Variants in RICTOR observed in about 807,000 individuals in gnomAD.
RICTOR encodes the protein RPTOR independent companion of MTOR complex 2.
A neutral mutation model predicts 214.9 loss-of-function variants in RICTOR; 49 were observed. That is an observed-to-expected ratio of 0.23 (90% confidence interval 0.18 to 0.29). The LOEUF (loss-of-function observed/expected upper bound fraction) is 0.29. Ranked by LOEUF, RICTOR falls within the 10% of genes least tolerant of loss-of-function variation. The pLI is 1.00. For missense variants in RICTOR, 1,625 were observed against 2,047.0 expected (o/e 0.79, Z 3.98); for synonymous variants, 717 against 711.3 (o/e 1.01, Z -0.13).
chr5:38,942,476 G>T (rs1343575603), intron 37 of RICTOR, 98 bp from the exon 38 acceptor site: 8 of 535,434 alleles, frequency 1.5e-5, no homozygotes, highest in African/African-American at 3.9e-5. Context: ...TTGAGATAGG[G>T]TCTTGCTCAG....
At chr5:39,064,589 A>G (rs1758770667) in intron 2 of RICTOR, among the ~76,000 whole-genome samples, 2 of 152,220 alleles carry the variant, frequency 1.3e-5, no homozygotes, top group Admixed American at 1.3e-4. Context: ...CAAGCAAATC[A>G]TTCGCTCACC....
At chr5:39,013,286 A>T (rs1754686641) in intron 3 of RICTOR, among the ~76,000 whole-genome samples, 1 of 152,170 alleles carries the variant, frequency 6.6e-6, no homozygotes, top group South Asian at 2.1e-4. Flanking sequence ...ACTATTATAC[A>T]AATCTTATTT....
chr5:39,035,918 C>T (rs1185395296), intron 2 of RICTOR, among the ~76,000 whole-genome samples: 2 of 152,134 alleles, frequency 1.3e-5, no homozygotes, highest in Non-Finnish European at 2.9e-5. Flanking sequence ...GAGAACTTCC[C>T]CAATCTAGCA....
chr5:39,047,106 A>G (rs1387366872), intron 2 of RICTOR, among the ~76,000 whole-genome samples: 1 of 152,220 alleles, frequency 6.6e-6, no homozygotes, highest in African/African-American at 2.4e-5. Flanking sequence ...TAATATTACT[A>G]TTAGAAATTC....
At chr5:38,993,616 T>A (rs1242897989) in intron 6 of RICTOR, among the ~76,000 whole-genome samples, 1 of 152,064 alleles carries the variant, frequency 6.6e-6, no homozygotes, top group Non-Finnish European at 1.5e-5. Flanking sequence ...TTTTTCCTTA[T>A]CCTTTAAAAT....
chr5:38,952,545 C>T (rs994173399), intron 29 of RICTOR, 120 bp from the exon 30 acceptor site: 28 of 482,272 alleles, frequency 5.8e-5, no homozygotes, highest in African/African-American at 1.3e-4. Context: ...AAAATGGTTG[C>T]GTTTGTGGAA....
At chr5:38,956,492 C>T (rs1483913462) in intron 25 of RICTOR, among the ~76,000 whole-genome samples, 1 of 152,102 alleles carries the variant, frequency 6.6e-6, no homozygotes, top group Non-Finnish European at 1.5e-5. Context: ...CTATAATGTT[C>T]CAATGATCTA....
At chr5:39,055,552 A>G (rs942157538) in intron 2 of RICTOR, among the ~76,000 whole-genome samples, 1 of 151,836 alleles carries the variant, frequency 6.6e-6, no homozygotes, top group Non-Finnish European at 1.5e-5. Flanking sequence ...GGGACTCAAT[A>G]TATTTTTTTC....
intron 2 of RICTOR, among the ~76,000 whole-genome samples, chr5:39,067,165 T>A (rs919935518): frequency 3.3e-5 from 5 of 152,202 alleles, no homozygotes; most frequent in African/African-American, 1.2e-4. Flanking sequence ...TGGCTATTGG[T>A]TCTGTAGGCT....
chr5:39,012,635 T>C (rs1393414160), intron 3 of RICTOR, among the ~76,000 whole-genome samples: 4 of 152,226 alleles, frequency 2.6e-5, no homozygotes, highest in Non-Finnish European at 4.4e-5. Context: ...TGTATTAATG[T>C]AAGTCATTAA....
At chr5:39,017,260 T>G (rs973003494) in intron 3 of RICTOR, among the ~76,000 whole-genome samples, 1 of 152,142 alleles carries the variant, frequency 6.6e-6, no homozygotes, top group Non-Finnish European at 1.5e-5. Flanking sequence ...ACCTCTATTA[T>G]AATTGTTTTT....
chr5:38,939,336 A>C lies in RICTOR; in HGVS notation c.*2968T>G, dbSNP rs1277845319. 2 of 232,378 alleles carry C rather than the reference A, an allele frequency of 8.6e-6. No individual in the cohort carries two copies. Among genetic ancestry groups the C allele is most frequent in the African/African-American group, 4.4e-5 (2 of 45,312 alleles). The allele number at this position is 232,378 out of a possible 1,614,324, so 14.4% of individuals were successfully genotyped here. A position where few individuals can be genotyped will look rare whatever the true frequency, so the allele number is the denominator to read the frequency against. ...AAGTTGTCATTTCAAAAGGACTTGTACACATTATGTTAATAATGTATATAC... is the reference window on the plus strand; with the variant it reads ...AAGTTGTCATTTCAAAAGGACTTGTCCACATTATGTTAATAATGTATATAC... On this transcript the variant is annotated 3_prime_UTR_variant, in exon 38 of 38. Coordinates refer to ENST00000357387, the MANE Select transcript of RICTOR (RefSeq NM_152756.5).
Position 39,044,553 on chromosome 5 carries a change from T to C in RICTOR, c.98-23417A>G, listed in dbSNP as rs79085215. Among the ~76,000 whole-genome samples the C allele has an allele frequency of 3.2e-3, 486 of 152,274 alleles. 6 individuals are homozygous for C. The highest frequency in any genetic ancestry group is 0.011 in the African/African-American group (469 of 41,560). ...CTATGCTGCTTCAAAATGTATCTAC[T>C]TCCCAAACTCTGAGCAACAAGATAT... is the stretch of plus-strand genomic sequence containing the variant. On this transcript the variant is annotated intron_variant, in intron 2 of 37. Transcript: ENST00000357387.
At chr5:38,989,826 C>T (rs1444493773) in intron 7 of RICTOR, among the ~76,000 whole-genome samples, 2 of 152,046 alleles carry the variant, frequency 1.3e-5, no homozygotes, top group Non-Finnish European at 2.9e-5. Context: ...GTAAGAATGG[C>T]GATCATTAAA....
At position 38,942,327 on chromosome 5, in the gene RICTOR, C is replaced by A; in HGVS notation, c.5104G>T (p.Val1702Phe). Reference sequence around the variant, plus strand: ...GGTCAGGATTCAGCAGATGTATCAACTATAGGTTGCTTTGGTGGTGTTGCC... The same window carrying A: ...GGTCAGGATTCAGCAGATGTATCAAATATAGGTTGCTTTGGTGGTGTTGCC... The part of the protein sequence containing the change: ...VLATPPKQPI[V>F]DTSAES Residue 1702 changes from valine to phenylalanine, a missense_variant, in exon 38 of 38, where the codon GTT becomes TTT. Physicochemically the swap from Val to Phe is conservative, Grantham distance 50. This residue lies in a region of RICTOR where 38 missense variants were observed against 34.8 expected (regional missense o/e 1.09). Transcript: ENST00000357387. The A allele has an allele frequency of 7.5e-6, 12 of 1,598,434 alleles. No homozygotes were observed. Among genetic ancestry groups the A allele is most frequent in the Non-Finnish European group, 1.0e-5 (12 of 1,169,286 alleles).
chr5:39,055,427 C>G (rs928893670), intron 2 of RICTOR, among the ~76,000 whole-genome samples: 1 of 128,688 alleles, frequency 7.8e-6, no homozygotes, highest in Non-Finnish European at 1.6e-5. Flanking sequence ...TCCCCCCCCC[C>G]ACTCTTTTTC....
chr5:38,995,197 AT>A (rs1264950455), intron 6 of RICTOR, among the ~76,000 whole-genome samples: 5 of 152,226 alleles, frequency 3.3e-5, no homozygotes, highest in African/African-American at 9.6e-5. Context: ...GATAAAGAAA[AT>A]GTGGTATTAT....
At chr5:39,007,458 C>A (rs1413856573) in intron 3 of RICTOR, among the ~76,000 whole-genome samples, 1 of 152,088 alleles carries the variant, frequency 6.6e-6, no homozygotes, top group Non-Finnish European at 1.5e-5. Flanking sequence ...AATACAGTCA[C>A]ATTCTGAGGT....
intron 7 of RICTOR, among the ~76,000 whole-genome samples, chr5:38,990,537 G>GATATATACACGAT (rs1752532061): frequency 1.4e-5 from 2 of 145,488 alleles, no homozygotes; most frequent in African/African-American, 5.2e-5. Context: ...ATATATATAC[G>GATATATACACGAT]ATATATACAC....
Sources: gnomAD v4.1 joint callset for allele counts (sites outside exome capture counted in the v4.1 genomes callset) on GRCh38, gnomAD v4.1.1 for gene constraint, gnomAD v4.1.1 regional missense constraint, MANE v1.5 for transcripts, NCBI Gene and HGNC (gene_info 2026-07-23, HGNC 2026-07-21) for gene names.